VSIR: variants seen among roughly 807,000 people sequenced by gnomAD.
The protein encoded by VSIR is V-type immunoglobulin domain-containing suppressor of T-cell activation.
VSIR carries 10 observed loss-of-function variants against 31.0 expected under a neutral mutation model. The observed-to-expected ratio is 0.32, with a 90% confidence interval of 0.20 to 0.55. The LOEUF (loss-of-function observed/expected upper bound fraction) is 0.55, where lower values mean the gene tolerates loss of function less well. Among genes scored for constraint, VSIR ranks in the 20% least tolerant of loss-of-function variants. The pLI, the probability that VSIR is intolerant of heterozygous loss-of-function variation, is 0.93. For synonymous variants in VSIR, 179 were observed against 180.1 expected, an observed-to-expected ratio of 0.99 and a Z score of 0.05; for missense variants, 356 against 416.2, an observed-to-expected ratio of 0.86 and a Z score of 1.26.
intron 4 of VSIR, chr10:71,754,985 G>T: frequency 2.3e-6 from 1 of 428,702 alleles, no homozygotes; most frequent in Non-Finnish European, 4.8e-6. Flanking sequence ...CCCAACAATT[G>T]CTACTAATTA....
chr10:71,748,460 A>C lies in VSIR; in HGVS notation c.*2793T>G, dbSNP rs1179211536. On this transcript the variant is annotated 3_prime_UTR_variant, in exon 7 of 7. Transcript: ENST00000394957. ...GAGCAGTCCCCGCTGTGTCAGCAAAACCCTCCAAATGGTGCTTTCAATTCC... is the reference window on the plus strand; with the variant it reads ...GAGCAGTCCCCGCTGTGTCAGCAAACCCCTCCAAATGGTGCTTTCAATTCC... 6.6e-6 allele frequency: 1 copy of C among 151,336 alleles called. No homozygotes were observed. Among genetic ancestry groups the C allele is most frequent in the Non-Finnish European group, 1.5e-5 (1 of 67,852 alleles). The allele number at this position is 151,336 out of a possible 1,614,324, so 9.4% of individuals were successfully genotyped here. A position where few individuals can be genotyped will look rare whatever the true frequency, so the allele number is the denominator to read the frequency against.
chr10:71,761,839 G>A lies in VSIR; in HGVS notation c.270C>T (p.Arg90=), dbSNP rs1840396815. 2 of 1,614,016 alleles carry A rather than the reference G, an allele frequency of 1.2e-6. No homozygotes were observed. Among genetic ancestry groups the A allele is most frequent in the African/African-American group, 1.3e-5 (1 of 74,910 alleles). ...GGTGAAGGTCCTGGAACGTGAGGTT[G>A]CGGATGGGCCGGCGCTCTGAGCAGG... ...VQTCSERRPI[R]NLTFQDLHLH... Residue 90 remains arginine, a synonymous_variant, in exon 2 of 7, where the codon CGC becomes CGT. Coordinates refer to ENST00000394957, the MANE Select transcript of VSIR (RefSeq NM_022153.2).
chr10:71,760,036 C>CATAT (rs1840294394), intron 3 of VSIR, among the ~76,000 whole-genome samples: 2 of 113,106 alleles, frequency 1.8e-5, no homozygotes, highest in African/African-American at 3.0e-5. Flanking sequence ...TACACACACA[C>CATAT]ACATATATAC....
rs1179889093 is a variant in VSIR at position 71,750,252 on chromosome 10, G to C, written c.*1001C>G. On this transcript the variant is annotated 3_prime_UTR_variant, in exon 7 of 7. Coordinates refer to ENST00000394957, the MANE Select transcript of VSIR (RefSeq NM_022153.2). ...CCAGATTGTATGGAGTGGAAGGTGGGGGTGGGGGAGGAGCAGCAGAGTGCA... is the reference window on the plus strand; with the variant it reads ...CCAGATTGTATGGAGTGGAAGGTGGCGGTGGGGGAGGAGCAGCAGAGTGCA... The C allele has an allele frequency of 6.6e-6, 1 of 152,278 alleles. No homozygotes were observed. The highest frequency in any genetic ancestry group is 2.4e-5 in the African/African-American group (1 of 41,454). The allele number at this position is 152,278 out of a possible 1,614,324, so 9.4% of individuals were successfully genotyped here.
rs1230821559 is a variant in VSIR, at chr10:71,751,163, G to A, written c.*90C>T. On this transcript the variant is annotated 3_prime_UTR_variant, in exon 7 of 7. Transcript: ENST00000394957. The surrounding 1 kb of genome is among the most constrained non-coding windows in gnomAD (Gnocchi z 4.9). ...GAGCAGGAGGGAGGGAACCAGGGCCGAGGCCAAGGAGGCCACTCACAGAGC... is the reference window on the plus strand; with the variant it reads ...GAGCAGGAGGGAGGGAACCAGGGCCAAGGCCAAGGAGGCCACTCACAGAGC... The A allele has an allele frequency of 8.3e-6, 12 of 1,453,804 alleles. No homozygotes were observed. The highest frequency in any genetic ancestry group is 7.1e-5 in the African/African-American group (5 of 70,484). The allele number at this position is 1,453,804 out of a possible 1,614,324, so 90.1% of individuals were successfully genotyped here.
intron 1 of VSIR, among the ~76,000 whole-genome samples, chr10:71,763,729 TA>T (rs1196870142): frequency 6.6e-6 from 1 of 152,228 alleles, no homozygotes. Context: ...AAGTGTTCTG[TA>T]AGTGCCATGC....
At chr10:71,756,689 AC>A (rs1178268920) in intron 3 of VSIR, among the ~76,000 whole-genome samples, 1 of 152,200 alleles carries the variant, frequency 6.6e-6, no homozygotes, top group African/African-American at 2.4e-5. Context: ...TGCCCTCAGA[AC>A]CACAACCAAC....
intron 4 of VSIR, 164 bp downstream of exon 4, chr10:71,755,195 C>A: frequency 1.1e-5 from 8 of 742,844 alleles, no homozygotes; most frequent in South Asian, 1.1e-4. Flanking sequence ...TCCTTTCTCT[C>A]GGCCATTTCG....
chr10:71,751,252 G>A lies in VSIR; in HGVS notation c.*1C>T, dbSNP rs750750695. The stretch of plus-strand genomic sequence containing the variant: ...CAACAGCCCACTGTCCCCCAGCTGG[G>A]CTAGATGACCTCAAAGTTTGGAGAG... On this transcript the variant is annotated 3_prime_UTR_variant, in exon 7 of 7. Transcript: ENST00000394957. This position sits in a 1 kb window ranked among gnomAD's most constrained non-coding sequence, Gnocchi z 4.9. 3 of 1,608,724 alleles carry A rather than the reference G, an allele frequency of 1.9e-6. No individual in the cohort carries two copies. Among genetic ancestry groups the A allele is most frequent in the Non-Finnish European group, 2.5e-6 (3 of 1,177,172 alleles).
rs113734719 is a variant in VSIR, at chr10:71,751,182, A to T, written c.*71T>A. On this transcript the variant is annotated 3_prime_UTR_variant, in exon 7 of 7. Transcript: ENST00000394957. This position sits in a 1 kb window ranked among gnomAD's most constrained non-coding sequence, Gnocchi z 4.9. Reference sequence around the variant, plus strand: ...AGGGCCGAGGCCAAGGAGGCCACTCACAGAGCCAGCCCTGGCTCAAATGCA... The same window carrying T: ...AGGGCCGAGGCCAAGGAGGCCACTCTCAGAGCCAGCCCTGGCTCAAATGCA... 3.3e-3 allele frequency: 5,019 copies of T among 1,534,666 alleles called. 134 individuals carry two copies. The African/African-American group carries it at 0.058, about 18-fold the overall frequency.
Position 71,773,474 on chromosome 10 carries a change from C to G in VSIR, c.-35G>C, listed in dbSNP as rs368368184. The G allele has an allele frequency of 2.6e-6, 4 of 1,561,914 alleles. No individual in the cohort carries two copies. Among genetic ancestry groups the G allele is most frequent in the Non-Finnish European group, 2.6e-6 (3 of 1,151,892 alleles). ...GGACGCGCAGAGGAACTTCTGGTGC[C>G]GGGGAGCGGGCGGGACGCGGCCGGC... On this transcript the variant is annotated 5_prime_UTR_variant, in exon 1 of 7. Transcript: ENST00000394957.
intron 3 of VSIR, 50 bp from the exon 4 acceptor site, chr10:71,755,516 T>A (rs562440944): frequency 6.6e-6 from 10 of 1,515,484 alleles, no homozygotes; most frequent in Admixed American, 3.8e-5. Context: ...CCATTGCTCC[T>A]CCTGAGCATA....
intron 1 of VSIR, among the ~76,000 whole-genome samples, chr10:71,766,363 G>A (rs1256161668): frequency 6.6e-6 from 1 of 151,958 alleles, no homozygotes; most frequent in Non-Finnish European, 1.5e-5. Flanking sequence ...CCCCCCGCCC[G>A]CCACCCGCCA....
intron 3 of VSIR, among the ~76,000 whole-genome samples, chr10:71,757,388 G>A (rs117554823): frequency 0.016 from 2,402 of 152,298 alleles, 23 homozygotes; most frequent in Admixed American, 0.022. Flanking sequence ...GCTTCCTTAC[G>A]ATCTGGGCTG....
intron 3 of VSIR, chr10:71,760,519 C>T (rs527821772): frequency 8.4e-4 from 174 of 208,082 alleles, no homozygotes; most frequent in Middle Eastern, 1.7e-3. Flanking sequence ...CAAGAGGACC[C>T]CCAGCCTTCC....
chr10:71,758,725 G>A (rs1840212482), intron 3 of VSIR, among the ~76,000 whole-genome samples: 1 of 152,132 alleles, frequency 6.6e-6, no homozygotes, highest in African/African-American at 2.4e-5. Context: ...ACTTCATAGA[G>A]TTCTTATAAG....
intron 1 of VSIR, among the ~76,000 whole-genome samples, chr10:71,770,319 G>A (rs1477726996): frequency 2.0e-5 from 3 of 152,244 alleles, no homozygotes; most frequent in Non-Finnish European, 4.4e-5. Context: ...AGAGGGAGGG[G>A]AACTTGCTCA....
intron 1 of VSIR, among the ~76,000 whole-genome samples, chr10:71,765,093 C>T (rs374259115): frequency 2.0e-5 from 3 of 152,310 alleles, no homozygotes; most frequent in African/African-American, 4.8e-5. Context: ...GGCTCTCCCA[C>T]GTACTCCCAG....
At chr10:71,759,930 C>CACACATATATATACACACACAT (rs1564779366) in intron 3 of VSIR, among the ~76,000 whole-genome samples, 7 of 54,598 alleles carry the variant, frequency 1.3e-4, no homozygotes, top group African/African-American at 2.7e-4. Context: ...TACACACACA[C>CACACATATATATACACACACAT]ATATATACAC....
Sources: allele counts gnomAD v4.1 joint callset (sites outside exome capture counted in the v4.1 genomes callset), GRCh38; gene constraint gnomAD v4.1.1; non-coding constraint Gnocchi (gnomAD v3.1); transcripts MANE v1.5; gene names NCBI Gene and HGNC (gene_info 2026-07-23, HGNC 2026-07-21).